ZFAT: variants seen among roughly 807,000 people sequenced by gnomAD.
ZFAT encodes zinc finger protein ZFAT.
In ZFAT, 64 loss-of-function variants were observed where a neutral mutation model predicts 117.7. That is an observed-to-expected ratio of 0.54 (90% CI 0.44 to 0.67). ZFAT has a LOEUF of 0.67. ZFAT is among the 30% of genes least tolerant of loss of function. ZFAT has a pLI of 0.00. For synonymous variants in ZFAT, 679 were observed against 615.0 expected, an observed-to-expected ratio of 1.10 and a Z score of -1.54; for missense variants, 1,433 against 1,584.5, an observed-to-expected ratio of 0.90 and a Z score of 1.62.
chr8:134,775,496 A>G, the ZFAT span, among the ~76,000 whole-genome samples: 2 of 151,982 alleles, frequency 1.3e-5, no homozygotes, highest in East Asian at 3.9e-4. Context: ...AAAATGGGGG[A>G]ATTAACAAGG....
chr8:134,547,990 T>A (rs78441278), intron 11 of ZFAT, among the ~76,000 whole-genome samples: 1,552 of 152,266 alleles, frequency 0.01, 23 homozygotes, highest in African/African-American at 0.035. Context: ...AGCCACAGAA[T>A]GGAGTGAAGG....
At chr8:134,559,371 T>C (rs963176696) in intron 11 of ZFAT, among the ~76,000 whole-genome samples, 5 of 152,224 alleles carry the variant, frequency 3.3e-5, no homozygotes, top group Admixed American at 1.3e-4. Context: ...TATCTTTCTA[T>C]AGAAGTAGAG....
chr8:134,762,818 T>G, the ZFAT span, among the ~76,000 whole-genome samples: 3 of 152,184 alleles, frequency 2.0e-5, no homozygotes, highest in Non-Finnish European at 4.4e-5. Context: ...TACCCATACC[T>G]CTCTACCCTT....
intron 11 of ZFAT, among the ~76,000 whole-genome samples, chr8:134,559,539 G>C (rs114335987): frequency 6.6e-6 from 1 of 152,168 alleles, no homozygotes; most frequent in Non-Finnish European, 1.5e-5. Flanking sequence ...TATATCTGTA[G>C]GATAAAATCT....
At chr8:134,829,495 CAAAG>C in the ZFAT span, among the ~76,000 whole-genome samples, 1 of 152,196 alleles carries the variant, frequency 6.6e-6, no homozygotes, top group Non-Finnish European at 1.5e-5. Flanking sequence ...AGAGAGAACT[CAAAG>C]AACACACTGA....
the ZFAT span, among the ~76,000 whole-genome samples, chr8:134,745,946 A>C: frequency 6.6e-6 from 1 of 152,172 alleles, no homozygotes; most frequent in African/African-American, 2.4e-5. Flanking sequence ...GCTGGTTACC[A>C]TTTATGAGGC....
chr8:134,491,815 C>T (rs908956628), intron 15 of ZFAT, among the ~76,000 whole-genome samples: 4 of 152,318 alleles, frequency 2.6e-5, no homozygotes, highest in South Asian at 2.1e-4. Context: ...CCTTAATTCC[C>T]GCTTGCCATG....
chr8:134,745,642 G>A, the ZFAT span, among the ~76,000 whole-genome samples: 1 of 152,312 alleles, frequency 6.6e-6, no homozygotes, highest in South Asian at 2.1e-4. Context: ...GTGATTTCTA[G>A]GCAGAGGAGC....
chr8:134,638,170 T>C (rs183278478), intron 2 of ZFAT, among the ~76,000 whole-genome samples: 1 of 152,308 alleles, frequency 6.6e-6, no homozygotes, highest in African/African-American at 2.4e-5. Flanking sequence ...CAAGGAGTCA[T>C]AATTATTAGA....
chr8:134,592,171 C>A (rs1264443210), intron 7 of ZFAT, among the ~76,000 whole-genome samples: 2 of 152,170 alleles, frequency 1.3e-5, no homozygotes, highest in Non-Finnish European at 2.9e-5. Context: ...CTGTGAGCTC[C>A]CCAAGGCACC....
intron 1 of ZFAT, 127 bp downstream of exon 1, chr8:134,712,718 C>CGCGGCCG (rs753541906): frequency 0.027 from 22,545 of 823,046 alleles, 655 homozygotes; most frequent in East Asian, 0.11. Context: ...CGGATCCCTC[C>CGCGGCCG]GCGGCCGGCG....
intron 10 of ZFAT, among the ~76,000 whole-genome samples, chr8:134,567,489 A>G (rs1367926612): frequency 6.6e-6 from 1 of 151,726 alleles, no homozygotes; most frequent in Non-Finnish European, 1.5e-5. Flanking sequence ...CCATCCATCC[A>G]TCCATCCATC....
rs543989101 is a variant in ZFAT at position 134,555,105 on chromosome 8, C to T, written c.2976+10228G>A. ...AAAATCAGCAAAGGGAAGAGGCACA[C>T]GGGGTGAAGGCTAGGGGAAACCAGG... On this transcript the variant is annotated intron_variant, in intron 11 of 15. Coordinates refer to ENST00000377838, the MANE Select transcript of ZFAT (RefSeq NM_020863.4). 3.3e-5 allele frequency among the ~76,000 whole-genome samples: 5 copies of T among 152,282 alleles called. No homozygotes were observed. In the South Asian group the frequency reaches 8.3e-4, roughly 25 times the overall value.
At chr8:134,730,219 G>A in the ZFAT span, among the ~76,000 whole-genome samples, 135 of 152,344 alleles carry the variant, frequency 8.9e-4, no homozygotes, top group Non-Finnish European at 1.4e-3. Flanking sequence ...GCAATGCCCC[G>A]GGCCCAATGC....
At chr8:134,764,326 T>C in the ZFAT span, among the ~76,000 whole-genome samples, 1,797 of 152,324 alleles carry the variant, frequency 0.012, 39 homozygotes, top group African/African-American at 0.041. Context: ...ATCTTTGTTT[T>C]GAAGGTTAAG....
chr8:134,507,413 G>A (rs754261394), intron 15 of ZFAT, among the ~76,000 whole-genome samples: 1 of 152,084 alleles, frequency 6.6e-6, no homozygotes, highest in Non-Finnish European at 1.5e-5. Context: ...CACCGTGAGC[G>A]AGGTGCGGGG....
the ZFAT span, among the ~76,000 whole-genome samples, chr8:134,826,020 CAA>C: frequency 2.8e-4 from 25 of 87,750 alleles, no homozygotes; most frequent in Admixed American, 4.1e-4. Flanking sequence ...GACTCTGTCT[CAA>C]AAAAAAAAAA....
chr8:134,790,605 A>T, the ZFAT span, among the ~76,000 whole-genome samples: 1 of 152,166 alleles, frequency 6.6e-6, no homozygotes, highest in Admixed American at 6.5e-5. Context: ...ACTGCCTCAC[A>T]CCTTCTGTTT....
chr8:134,567,450 A>ACCATCCAT lies in ZFAT; in HGVS notation c.2888-2037_2888-2030dup, dbSNP rs35445440. On this transcript the variant is annotated intron_variant, in intron 10 of 15. Transcript: ENST00000377838. ...TCCTTGCCTTCATAAAACCCTACCA[A>ACCATCCAT]CCATCCATCCATCCATCCATCCATC... Among the ~76,000 whole-genome samples the ACCATCCAT allele has an allele frequency of 2.1e-4, 30 of 145,650 alleles. No individual in the cohort carries two copies. In the South Asian group the frequency reaches 2.2e-3, roughly 11 times the overall value.
Sources: allele counts gnomAD v4.1 joint callset (sites outside exome capture counted in the v4.1 genomes callset), GRCh38; gene constraint gnomAD v4.1.1; transcripts MANE v1.5; gene names NCBI Gene and HGNC (gene_info 2026-07-23, HGNC 2026-07-21).